Variants in SPATA16 observed in about 807,000 individuals in gnomAD.
SPATA16 encodes spermatogenesis-associated protein 16.
Under a neutral mutation model 63.3 loss-of-function variants are expected in SPATA16, and 36 were observed. The observed-to-expected ratio is 0.57, with a 90% CI of 0.44 to 0.75. The LOEUF (loss-of-function observed/expected upper bound fraction) is 0.75. Among genes scored for constraint, SPATA16 ranks in the 30% least tolerant of loss-of-function variants. The probability of loss-of-function intolerance (pLI) is 0.00; values close to 1 mark genes in which losing one functional copy is unlikely to be tolerated. For missense variants in SPATA16, 646 were observed against 679.3 expected, an observed-to-expected ratio of 0.95 and a Z score of 0.54; for synonymous variants, 203 against 216.7, an observed-to-expected ratio of 0.94 and a Z score of 0.56.
chr3:172,921,931 C>A (rs959381685), intron 8 of SPATA16, among the ~76,000 whole-genome samples: 1 of 152,134 alleles, frequency 6.6e-6, no homozygotes, highest in African/African-American at 2.4e-5. Context: ...ATTAGGGTAA[C>A]AAATAATGAC....
intron 6 of SPATA16, among the ~76,000 whole-genome samples, chr3:172,954,647 G>A (rs1733529707): frequency 6.6e-6 from 1 of 152,142 alleles, no homozygotes; most frequent in East Asian, 1.9e-4. Context: ...CTCTTCCCAT[G>A]CTGTATGCCC....
intron 8 of SPATA16, among the ~76,000 whole-genome samples, chr3:172,918,731 G>A (rs1184173616): frequency 6.6e-6 from 1 of 152,064 alleles, no homozygotes; most frequent in African/African-American, 2.4e-5. Flanking sequence ...GAGACTTCAG[G>A]AATGATCAAA....
chr3:173,046,816 A>G (rs1420718874), intron 3 of SPATA16, among the ~76,000 whole-genome samples: 1 of 151,994 alleles, frequency 6.6e-6, no homozygotes, highest in African/African-American at 2.4e-5. Flanking sequence ...TTAAAATCAT[A>G]TGTATTGACT....
chr3:173,069,630 T>G (rs549261051), intron 2 of SPATA16, among the ~76,000 whole-genome samples: 9 of 152,326 alleles, frequency 5.9e-5, no homozygotes, highest in African/African-American at 1.9e-4. Flanking sequence ...TCCAGACTTA[T>G]TCTATGAGGT....
intron 6 of SPATA16, among the ~76,000 whole-genome samples, chr3:172,945,744 CTGGCTAGCCCCACCACCA>C (rs1167970442): frequency 6.6e-6 from 1 of 152,192 alleles, no homozygotes; most frequent in African/African-American, 2.4e-5. Context: ...AACCTGAATT[CTGGCTAGCCCCACCACCA>C]TGGGCTAAAG....
chr3:173,075,215 G>GA (rs1736770122), intron 2 of SPATA16, among the ~76,000 whole-genome samples: 1 of 150,962 alleles, frequency 6.6e-6, no homozygotes, highest in South Asian at 2.1e-4. Context: ...TGTAGAAGAG[G>GA]AAATTTTTAA....
chr3:173,079,934 T>C (rs905690579), intron 2 of SPATA16, among the ~76,000 whole-genome samples: 22 of 152,146 alleles, frequency 1.4e-4, no homozygotes, highest in African/African-American at 5.3e-4. Flanking sequence ...AGAGCTGTAA[T>C]AGAGTTGCCA....
chr3:173,038,646 T>C (rs183295950), intron 3 of SPATA16, among the ~76,000 whole-genome samples: 6 of 152,162 alleles, frequency 3.9e-5, no homozygotes, highest in Admixed American at 3.3e-4. Context: ...ATGGGGACCA[T>C]CAAAATAGTT....
chr3:172,902,472 T>C (rs1732145698), intron 10 of SPATA16, among the ~76,000 whole-genome samples: 1 of 152,226 alleles, frequency 6.6e-6, no homozygotes. Context: ...CTTAGGAAGA[T>C]GTGCTTTCAT....
intron 4 of SPATA16, among the ~76,000 whole-genome samples, chr3:172,994,284 G>A (rs2108262618): frequency 6.6e-6 from 1 of 152,122 alleles, no homozygotes; most frequent in Admixed American, 6.6e-5. Flanking sequence ...AGTTCAATTA[G>A]CATTCACGGA....
intron 2 of SPATA16, among the ~76,000 whole-genome samples, chr3:173,098,965 C>A (rs557161746): frequency 1.1e-3 from 163 of 152,236 alleles, no homozygotes; most frequent in African/African-American, 3.3e-3. Context: ...AACCAACCAA[C>A]CAAACAAACA....
intron 4 of SPATA16, among the ~76,000 whole-genome samples, chr3:173,006,164 C>A (rs887646278): frequency 5.3e-5 from 8 of 152,132 alleles, no homozygotes; most frequent in Non-Finnish European, 1.2e-4. Context: ...ATATCATACA[C>A]CAAGACACAA....
At chr3:173,064,752 A>T (rs887934534) in intron 2 of SPATA16, among the ~76,000 whole-genome samples, 2 of 152,200 alleles carry the variant, frequency 1.3e-5, no homozygotes, top group African/African-American at 4.8e-5. Context: ...CTTATTTCAG[A>T]TCCATTAACA....
intron 10 of SPATA16, 115 bp downstream of exon 10, chr3:172,913,546 A>G (rs576844916): frequency 1.0e-6 from 1 of 987,002 alleles, no homozygotes; most frequent in South Asian, 1.4e-5. Flanking sequence ...AAAAAGGAAA[A>G]CAAAAAAACA....
At chr3:172,966,157 A>G (rs1308020988) in intron 5 of SPATA16, among the ~76,000 whole-genome samples, 2 of 152,210 alleles carry the variant, frequency 1.3e-5, no homozygotes, top group African/African-American at 2.4e-5. Context: ...GTGCTTTGTG[A>G]CAAGAAAAAA....
At chr3:172,993,784 T>A (rs181778200) in intron 4 of SPATA16, among the ~76,000 whole-genome samples, 2 of 152,294 alleles carry the variant, frequency 1.3e-5, no homozygotes, top group South Asian at 4.1e-4. Context: ...CCGCTTAAGA[T>A]GCTAACCTCT....
chr3:173,121,331 G>A (rs144190255), intron 1 of SPATA16, among the ~76,000 whole-genome samples: 14 of 151,726 alleles, frequency 9.2e-5, no homozygotes, highest in Admixed American at 4.6e-4. Flanking sequence ...TTACCACCTC[G>A]CTCAATGTGT....
chr3:172,992,226 T>A (rs779474406), intron 4 of SPATA16, among the ~76,000 whole-genome samples: 51 of 152,012 alleles, frequency 3.4e-4, no homozygotes, highest in Non-Finnish European at 4.4e-4. Flanking sequence ...TTTTTAAAAA[T>A]TGTTTTTTTA....
At chr3:172,957,679 A>G (rs1412403220) in intron 5 of SPATA16, among the ~76,000 whole-genome samples, 1 of 152,220 alleles carries the variant, frequency 6.6e-6, no homozygotes, top group African/African-American at 2.4e-5. Context: ...TATAGGAATG[A>G]AATTCTCCCA....
Sources: allele counts gnomAD v4.1 joint callset (sites outside exome capture counted in the v4.1 genomes callset), GRCh38; gene constraint gnomAD v4.1.1; transcripts MANE v1.5; gene names NCBI Gene and HGNC (gene_info 2026-07-23, HGNC 2026-07-21).